GML: variants seen among roughly 807,000 people sequenced by gnomAD.
GML encodes the protein glycosylphosphatidylinositol anchored molecule like, also known as glycosyl-phosphatidylinositol-anchored molecule-like protein.
In GML, 5 loss-of-function variants were observed where a neutral mutation model predicts 8.2. The ratio of observed to expected loss-of-function variants is 0.61; its 90% confidence interval spans 0.32 to 1.28. The LOEUF (loss-of-function observed/expected upper bound fraction) is 1.28. Among genes scored for constraint, GML ranks in the 50% most tolerant of loss-of-function variants. The pLI, the probability that GML is intolerant of heterozygous loss-of-function variation, is 0.06. For missense variants in GML, 191 were observed against 198.3 expected, an observed-to-expected ratio of 0.96 and a Z score of 0.22; for synonymous variants, 72 against 69.0, an observed-to-expected ratio of 1.04 and a Z score of -0.22.
At position 142,841,152 on chromosome 8, in the gene GML, C is replaced by A; in HGVS notation, c.108C>A (p.Val36=). ...GTTTGAGATGCCATGACTGTGCGGT[C>A]ATAAATGACTTCAACTGTCCCAACA... ...TYSLRCHDCA[V]INDFNCPNIR... The change falls in exon 3 of 4, where the codon GTC becomes GTA. Residue 36 remains valine (V), a synonymous_variant. Coordinates refer to ENST00000220940, the MANE Select transcript of GML (RefSeq NM_002066.3). The A allele has an allele frequency of 6.3e-7, 1 of 1,585,840 alleles. No homozygotes were observed. The highest frequency in any genetic ancestry group is 1.1e-5 in the South Asian group (1 of 90,472).
At chr8:142,839,077 C>T (rs987700976) in intron 1 of GML, among the ~76,000 whole-genome samples, 3 of 152,158 alleles carry the variant, frequency 2.0e-5, no homozygotes, top group African/African-American at 7.2e-5. Context: ...CAGTAGGTGC[C>T]CTTGAGCCCA....
intron 1 of GML, among the ~76,000 whole-genome samples, chr8:142,839,516 T>C (rs1441356693): frequency 6.6e-6 from 1 of 152,084 alleles, no homozygotes; most frequent in East Asian, 1.9e-4. Context: ...CACATCAGGC[T>C]CTGACCCCCT....
chr8:142,840,294 G>A (rs1563858633), intron 1 of GML, 122 bp from the exon 2 acceptor site: 1 of 649,860 alleles, frequency 1.5e-6, no homozygotes, highest in Admixed American at 2.4e-5. Context: ...TACTGGCCCA[G>A]TGGGGGAGGC....
At chr8:142,845,012 G>T (rs1366452098) in intron 3 of GML, among the ~76,000 whole-genome samples, 2 of 152,192 alleles carry the variant, frequency 1.3e-5, no homozygotes, top group African/African-American at 4.8e-5. Flanking sequence ...ATTTGGAGTA[G>T]ACAAAAACCA....
Position 142,846,553 on chromosome 8 carries a change from G to T in GML, c.340G>T (p.Gly114Ter). ...TAATAGCATGGTTTGCAATGCAGGA[G>T]GACCTACTAATCTTGAAAGGGACAT... is the stretch of plus-strand genomic sequence containing the variant. ...CCNSMVCNAGGPTNLERDMLP... is the reference protein window; with the variant it reads ...CCNSMVCNAG Residue 114 changes from glycine (G) to a stop codon, truncating the protein, a stop_gained, in exon 4 of 4, where the codon GGA (glycine) becomes TGA (stop). Coordinates refer to ENST00000220940, the MANE Select transcript of GML (RefSeq NM_002066.3). LOFTEE classifies it low-confidence loss of function (END_TRUNC). 1 of 1,614,024 alleles carries T rather than the reference G, an allele frequency of 6.2e-7. No homozygotes were observed. Among genetic ancestry groups the T allele is most frequent in the Non-Finnish European group, 8.5e-7 (1 of 1,179,904 alleles).
intron 1 of GML, among the ~76,000 whole-genome samples, chr8:142,838,755 G>A (rs4736334): frequency 4.0e-5 from 6 of 151,852 alleles, no homozygotes; most frequent in Admixed American, 6.6e-5. Flanking sequence ...CTCTCATTTC[G>A]CACTCACCTT....
At chr8:142,840,587 G>A in intron 2 of GML, 77 bp downstream of exon 2, 4 of 1,046,166 alleles carry the variant, frequency 3.8e-6, no homozygotes, top group Non-Finnish European at 6.0e-6. Context: ...GGGATGATTG[G>A]CTGCAACGTG....
intron 3 of GML, among the ~76,000 whole-genome samples, chr8:142,842,942 A>G (rs761780684): frequency 3.3e-5 from 5 of 152,094 alleles, no homozygotes; most frequent in Non-Finnish European, 7.4e-5. Context: ...TGGCTCCCCC[A>G]TGGTCATGGC....
intron 3 of GML, among the ~76,000 whole-genome samples, chr8:142,844,343 A>G (rs187241199): frequency 6.6e-6 from 1 of 152,250 alleles, no homozygotes; most frequent in East Asian, 1.9e-4. Context: ...TATTAAACCA[A>G]TAAAGTTTTT....
chr8:142,836,403 T>A (rs560674286), intron 1 of GML, among the ~76,000 whole-genome samples: 1 of 152,366 alleles, frequency 6.6e-6, no homozygotes, highest in South Asian at 2.1e-4. Flanking sequence ...AGTCCCTTAT[T>A]TCTGCCTCTT....
intron 1 of GML, among the ~76,000 whole-genome samples, chr8:142,838,698 C>T (rs1337403744): frequency 7.2e-5 from 11 of 152,190 alleles, no homozygotes; most frequent in Admixed American, 7.2e-4. Flanking sequence ...CTCTGCTTCT[C>T]TGACACCTTT....
At chr8:142,839,955 C>T (rs1419183618) in intron 1 of GML, among the ~76,000 whole-genome samples, 1 of 151,956 alleles carries the variant, frequency 6.6e-6, no homozygotes, top group Non-Finnish European at 1.5e-5. Flanking sequence ...TGCCCTCGCT[C>T]CCCTTCTGTA....
chr8:142,837,890 A>T (rs1195752875), intron 1 of GML, among the ~76,000 whole-genome samples: 2 of 148,056 alleles, frequency 1.4e-5, no homozygotes, highest in Admixed American at 1.4e-4. Context: ...CTTCCATGGG[A>T]AAACTGTCTT....
At chr8:142,836,376 G>T (rs1816341688) in intron 1 of GML, among the ~76,000 whole-genome samples, 1 of 152,168 alleles carries the variant, frequency 6.6e-6, no homozygotes, top group Non-Finnish European at 1.5e-5. Flanking sequence ...TGGTGGTGTA[G>T]AAATAATTCA....
intron 3 of GML, among the ~76,000 whole-genome samples, chr8:142,843,077 C>T (rs542550517): frequency 2.0e-5 from 3 of 152,100 alleles, no homozygotes; most frequent in Non-Finnish European, 4.4e-5. Flanking sequence ...GACATTTTTC[C>T]TTTCAGGAGA....
At chr8:142,842,843 G>T (rs932405388) in intron 3 of GML, among the ~76,000 whole-genome samples, 3 of 152,174 alleles carry the variant, frequency 2.0e-5, no homozygotes, top group African/African-American at 7.2e-5. Context: ...CTGCAGAGTT[G>T]GGCTGTTCCA....
chr8:142,841,814 G>A (rs915321628), intron 3 of GML, among the ~76,000 whole-genome samples: 13 of 152,206 alleles, frequency 8.5e-5, no homozygotes, highest in Non-Finnish European at 1.5e-4. Context: ...AGCAAGCAGG[G>A]AGGGTGCAGC....
intron 3 of GML, among the ~76,000 whole-genome samples, chr8:142,846,062 C>T (rs1235621571): frequency 6.6e-6 from 1 of 152,162 alleles, no homozygotes; most frequent in Non-Finnish European, 1.5e-5. Context: ...TTCTCGGGCT[C>T]TAGAATTCTT....
intron 3 of GML, among the ~76,000 whole-genome samples, chr8:142,843,279 C>CACACACACACACAA (rs1554650507): frequency 2.0e-5 from 3 of 151,794 alleles, no homozygotes; most frequent in African/African-American, 7.3e-5. Flanking sequence ...CACACACACA[C>CACACACACACACAA]ACACACACAC....
Sources: allele counts gnomAD v4.1 joint callset (sites outside exome capture counted in the v4.1 genomes callset), GRCh38; gene constraint gnomAD v4.1.1; transcripts MANE v1.5; gene names NCBI Gene and HGNC (gene_info 2026-07-23, HGNC 2026-07-21).